Variants in PLEKHA2 observed in about 807,000 individuals in gnomAD.
PLEKHA2 encodes the protein pleckstrin homology domain containing A2, also known as pleckstrin homology domain-containing family A member 2.
In PLEKHA2, 28 loss-of-function variants were observed where a neutral mutation model predicts 53.2. That is an observed-to-expected ratio of 0.53 (90% confidence interval 0.39 to 0.72). PLEKHA2 has a LOEUF of 0.72. Ranked by LOEUF, PLEKHA2 falls within the 30% of genes least tolerant of loss-of-function variation. The pLI, the probability that PLEKHA2 is intolerant of heterozygous loss-of-function variation, is 0.00. For missense variants in PLEKHA2, 426 were observed against 537.9 expected (o/e 0.79, Z 2.06); for synonymous variants, 193 against 196.4 (o/e 0.98, Z 0.14).
intron 10 of PLEKHA2, among the ~76,000 whole-genome samples, chr8:38,961,788 A>G (rs377442421): frequency 1.3e-5 from 2 of 151,922 alleles, no homozygotes; most frequent in East Asian, 1.9e-4. Flanking sequence ...GAAGAGAAAG[A>G]CTTGGGTTAG....
intron 5 of PLEKHA2, 97 bp from the exon 6 acceptor site, chr8:38,950,753 A>G (rs1834818390): frequency 1.4e-6 from 2 of 1,458,742 alleles, no homozygotes; most frequent in Non-Finnish European, 1.9e-6. Flanking sequence ...GTAATTTGGC[A>G]CATGAGCTTT....
At chr8:38,955,565 C>T (rs1235911021) in intron 9 of PLEKHA2, among the ~76,000 whole-genome samples, 1 of 152,198 alleles carries the variant, frequency 6.6e-6, no homozygotes, top group Non-Finnish European at 1.5e-5. Flanking sequence ...TTACAACATT[C>T]TCAAACATCT....
chr8:38,969,351 G>A, intron 11 of PLEKHA2, 70 bp from the exon 12 acceptor site: 2 of 1,535,860 alleles, frequency 1.3e-6, no homozygotes, highest in Non-Finnish European at 8.7e-7. Context: ...CTCTTTCTGG[G>A]ACTCTGTGAT....
intron 3 of PLEKHA2, among the ~76,000 whole-genome samples, chr8:38,938,910 T>C (rs1443621752): frequency 6.6e-6 from 1 of 151,422 alleles, no homozygotes; most frequent in Non-Finnish European, 1.5e-5. Context: ...CTTTTTTTTT[T>C]TTTTTAAATT....
intron 9 of PLEKHA2, 102 bp from the exon 10 acceptor site, chr8:38,957,221 A>G (rs1399013736): frequency 1.2e-6 from 1 of 843,194 alleles, no homozygotes; most frequent in Non-Finnish European, 1.9e-6. Flanking sequence ...CCCCCCACCC[A>G]TCTTCCTTTT....
intron 5 of PLEKHA2, among the ~76,000 whole-genome samples, chr8:38,947,877 A>G (rs1184755445): frequency 6.6e-6 from 1 of 152,002 alleles, no homozygotes; most frequent in Admixed American, 6.6e-5. Context: ...TCACAAGGTC[A>G]GGAGTTCGAG....
chr8:38,969,942 T>C lies in PLEKHA2; in HGVS notation c.*159T>C. The C allele has an allele frequency of 5.6e-6, 1 of 177,062 alleles. No homozygotes were observed. The highest frequency in any genetic ancestry group is 9.4e-6 in the Non-Finnish European group (1 of 106,052). The allele number at this position is 177,062 out of a possible 1,614,324, so 11.0% of individuals were successfully genotyped here. ...GAGGGAGGGGCCCATCCAGCTGGGC[T>C]GTGTGTGTGTGTGTGTGTGTGTGTG... On this transcript the variant is annotated 3_prime_UTR_variant, in exon 12 of 12. Transcript: ENST00000617275.
intron 5 of PLEKHA2, among the ~76,000 whole-genome samples, chr8:38,946,961 C>T (rs928970722): frequency 1.3e-5 from 2 of 152,166 alleles, no homozygotes; most frequent in Non-Finnish European, 2.9e-5. Flanking sequence ...GTTTGAGGGG[C>T]TTCCAGTAGT....
intron 10 of PLEKHA2, among the ~76,000 whole-genome samples, chr8:38,963,273 C>T (rs1200588184): frequency 6.6e-6 from 1 of 152,202 alleles, no homozygotes; most frequent in Non-Finnish European, 1.5e-5. Flanking sequence ...GAAACAGGTG[C>T]ACACACATAA....
chr8:38,906,623 C>T (rs1349433996), intron 1 of PLEKHA2, among the ~76,000 whole-genome samples: 3 of 152,216 alleles, frequency 2.0e-5, no homozygotes, highest in African/African-American at 7.2e-5. Context: ...ACTTTATTCT[C>T]CCGCCTTACA....
At chr8:38,935,826 A>G (rs1834484493) in intron 2 of PLEKHA2, among the ~76,000 whole-genome samples, 168 bp from the exon 3 acceptor site, 1 of 152,250 alleles carries the variant, frequency 6.6e-6, no homozygotes, top group South Asian at 2.1e-4. Context: ...ATCATTATCC[A>G]GGAATTATCA....
chr8:38,967,328 TG>T (rs998327092), intron 10 of PLEKHA2, among the ~76,000 whole-genome samples: 23 of 152,208 alleles, frequency 1.5e-4, no homozygotes, highest in Non-Finnish European at 5.9e-5. Flanking sequence ...TGGGGGCACA[TG>T]TGAAGATATA....
chr8:38,972,756 G>A lies in PLEKHA2; in HGVS notation c.*2973G>A, dbSNP rs1835275696. 1 of 151,790 alleles carries A rather than the reference G, an allele frequency of 6.6e-6. No individual in the cohort carries two copies. Among genetic ancestry groups the A allele is most frequent in the African/African-American group, 2.4e-5 (1 of 41,346 alleles). The allele number at this position is 151,790 out of a possible 1,614,324, so 9.4% of individuals were successfully genotyped here. On this transcript the variant is annotated 3_prime_UTR_variant, in exon 12 of 12. Coordinates refer to ENST00000617275, the MANE Select transcript of PLEKHA2 (RefSeq NM_021623.2). ...ATTAGTGACTAAGTGCATAGGCTCT[G>A]GAGTAAATCTGAGTTTTTTTTTTTT...
chr8:38,942,145 T>C (rs1417952131), intron 3 of PLEKHA2, among the ~76,000 whole-genome samples: 3 of 152,122 alleles, frequency 2.0e-5, no homozygotes, highest in Admixed American at 6.5e-5. Context: ...CTCATGCCTA[T>C]AATCCCAGCA....
intron 10 of PLEKHA2, among the ~76,000 whole-genome samples, chr8:38,965,816 A>G (rs1420792364): frequency 2.0e-5 from 3 of 152,126 alleles, no homozygotes; most frequent in African/African-American, 7.2e-5. Context: ...GAAAACAACA[A>G]TAATATCTGC....
At position 38,957,341 on chromosome 8, in the gene PLEKHA2, C is replaced by T. The variant is rs745938053; in HGVS notation, c.792C>T (p.Asp264=). ...LVKSGDLLMR[D]NLFEIITSSR... is the part of the protein sequence containing the mutation. ...TGTCTAGTGATCTCTTAATGAGGGA[C>T]AACCTGTTTGAAATAATAACAAGCT... The change falls in exon 10 of 12, where the codon GAC becomes GAT. Residue 264 remains aspartate (D), a synonymous_variant. Coordinates refer to ENST00000617275, the MANE Select transcript of PLEKHA2 (RefSeq NM_021623.2). 2 of 1,613,172 alleles carry T rather than the reference C, an allele frequency of 1.2e-6. No individual in the cohort carries two copies. Among genetic ancestry groups the T allele is most frequent in the East Asian group, 4.5e-5 (2 of 44,876 alleles).
intron 2 of PLEKHA2, among the ~76,000 whole-genome samples, chr8:38,923,233 G>A (rs1046626220): frequency 4.6e-5 from 7 of 152,196 alleles, no homozygotes; most frequent in Non-Finnish European, 1.0e-4. Context: ...GTCTCATATG[G>A]AAAGTTCTCA....
At chr8:38,952,532 C>T in intron 7 of PLEKHA2, 104 bp from the exon 8 acceptor site, 4 of 1,382,446 alleles carry the variant, frequency 2.9e-6, no homozygotes, top group Non-Finnish European at 4.0e-6. Flanking sequence ...AATGTGGGAG[C>T]CGGACTTCCA....
chr8:38,913,760 C>T (rs539512782), intron 1 of PLEKHA2, among the ~76,000 whole-genome samples: 1 of 152,200 alleles, frequency 6.6e-6, no homozygotes, highest in African/African-American at 2.4e-5. Flanking sequence ...CCCCAGCCAG[C>T]GCCAGACCAC....
Sources: gnomAD v4.1 joint callset for allele counts (sites outside exome capture counted in the v4.1 genomes callset) on GRCh38, gnomAD v4.1.1 for gene constraint, MANE v1.5 for transcripts, NCBI Gene and HGNC (gene_info 2026-07-23, HGNC 2026-07-21) for gene names.